The following NLRP1 variants were observed in gnomAD, a reference collection of about 807,000 sequenced individuals.
The protein encoded by NLRP1 is NACHT, LRR and PYD domains-containing protein 1.
Under a neutral mutation model 136.7 loss-of-function variants are expected in NLRP1, and 94 were observed. The observed-to-expected ratio is 0.69, with a 90% CI of 0.58 to 0.82. The LOEUF is 0.82. Ranked by LOEUF, NLRP1 falls within the 40% of genes least tolerant of loss-of-function variation. NLRP1 has a pLI of 0.00. For missense variants in NLRP1, 1,575 were observed against 1,802.7 expected, an observed-to-expected ratio of 0.87 and a Z score of 2.29; for synonymous variants, 690 against 725.1, an observed-to-expected ratio of 0.95 and a Z score of 0.78.
In NLRP1 at chr17:5,559,831, G is replaced by A; in HGVS notation, c.865C>T (p.Pro289Ser). ...TQLLLLQRPH[P>S]RSQDPLVKRS... ...TTGACCAGGGGATCTTGGCTTCTGG[G>A]GTGAGGTCTTTGTAGAAGTAGCAGC... Residue 289 changes from proline (P) to serine (S), a missense_variant, in exon 4 of 17, where the codon CCC becomes TCC. By Grantham distance (74) the Pro-to-Ser change is moderately conservative (BLOSUM62 -1). Transcript: ENST00000572272. 6.2e-7 allele frequency: 1 copy of A among 1,614,170 alleles called. No homozygotes were observed. The highest frequency in any genetic ancestry group is 2.2e-5 in the East Asian group (1 of 44,880).
intron 3 of NLRP1, among the ~76,000 whole-genome samples, chr17:5,571,817 C>G (rs1368614781): frequency 1.3e-5 from 2 of 152,118 alleles, no homozygotes; most frequent in Non-Finnish European, 2.9e-5. Context: ...AATAACAAAT[C>G]TGGAGGCATC....
At chr17:5,562,047 G>A (rs1452438381) in intron 3 of NLRP1, among the ~76,000 whole-genome samples, 8 of 152,098 alleles carry the variant, frequency 5.3e-5, no homozygotes, top group Non-Finnish European at 7.4e-5. Flanking sequence ...CCGGCTGAGG[G>A]GTGCAGCCTC....
At position 5,558,856 on chromosome 17, in the gene NLRP1, G is replaced by A; in HGVS notation, c.1840C>T (p.Pro614Ser). 6 of 1,614,162 alleles carry A rather than the reference G, an allele frequency of 3.7e-6. No individual in the cohort carries two copies. The highest frequency in any genetic ancestry group is 4.2e-6 in the Non-Finnish European group (5 of 1,180,026). The stretch of plus-strand genomic sequence containing the variant: ...ATGAAGCTGTAGCTCAGAGGGATGG[G>A]GTGCTCTTGAAGAATACCCATCTTC... The part of the protein sequence containing the change: ...FLKMGILQEH[P>S]IPLSYSFIHL... The change falls in exon 4 of 17, where the codon CCC (proline) becomes TCC (serine). Residue 614 changes from proline to serine, a missense_variant. Pro to Ser is a moderately conservative substitution (Grantham distance 74). Coordinates refer to ENST00000572272, the MANE Select transcript of NLRP1 (RefSeq NM_033004.4).
chr17:5,523,473 C>T (rs182763455), intron 12 of NLRP1, among the ~76,000 whole-genome samples: 3 of 152,182 alleles, frequency 2.0e-5, no homozygotes, highest in Admixed American at 6.5e-5. Context: ...TCTTCCCCCC[C>T]GCTTAGATTT....
chr17:5,518,526 G>C (rs1908435679), intron 14 of NLRP1: 2 of 151,448 alleles, frequency 1.3e-5, no homozygotes, highest in South Asian at 4.2e-4. Context: ...GTAGCTTGCA[G>C]TATTGCAACA....
intron 15 of NLRP1, among the ~76,000 whole-genome samples, chr17:5,508,284 C>T (rs57672697): frequency 0.28 from 42,574 of 151,948 alleles, 6,390 homozygotes; most frequent in African/African-American, 0.4. Context: ...GGTGACCGAA[C>T]GAGACTCTGT....
At chr17:5,557,427 G>C (rs535695776) in intron 4 of NLRP1, among the ~76,000 whole-genome samples, 1 of 151,888 alleles carries the variant, frequency 6.6e-6, no homozygotes, top group Non-Finnish European at 1.5e-5. Context: ...TTACCCACTC[G>C]TGTGATCACT....
At position 5,582,811 on chromosome 17, in the gene NLRP1, G is replaced by A. The variant is rs202194750; in HGVS notation, c.307C>T (p.Pro103Ser). ...SPSFPYSPSE[P>S]HLGSPSQPTS... ...GGTTGGCTGGGAGACCCCAGGTGGG[G>A]TTCACTTGGGCTGTAGGGGAATGAG... is the stretch of plus-strand genomic sequence containing the variant. The change falls in exon 2 of 17, where the codon CCC becomes TCC. Residue 103 changes from proline to serine, a missense_variant. By Grantham distance (74) the Pro-to-Ser change is moderately conservative (BLOSUM62 -1). Coordinates refer to ENST00000572272, the MANE Select transcript of NLRP1 (RefSeq NM_033004.4). 1 of 1,613,556 alleles carries A rather than the reference G, an allele frequency of 6.2e-7. No individual in the cohort carries two copies. The highest frequency in any genetic ancestry group is 8.5e-7 in the Non-Finnish European group (1 of 1,179,658).
chr17:5,560,053 G>T lies in NLRP1; in HGVS notation c.653-10C>A. 6.5e-7 allele frequency: 1 copy of T among 1,542,476 alleles called. No individual in the cohort carries two copies. On this transcript the variant is annotated splice_polypyrimidine_tract_variant and intron_variant, in intron 3 of 16. Transcript: ENST00000572272. The stretch of plus-strand genomic sequence containing the variant: ...TCTCTTTCTCTGATTTCTAAGTAAG[G>T]GAGGGAAAGAAGGAACATAAAGGTA...
At chr17:5,571,186 T>C (rs1324698523) in intron 3 of NLRP1, among the ~76,000 whole-genome samples, 2 of 152,166 alleles carry the variant, frequency 1.3e-5, no homozygotes, top group Non-Finnish European at 1.5e-5. Context: ...AGTATTCTCC[T>C]TGAGAACCAG....
intron 3 of NLRP1, among the ~76,000 whole-genome samples, chr17:5,572,127 A>G (rs1904430960): frequency 6.6e-6 from 1 of 152,186 alleles, no homozygotes; most frequent in Admixed American, 6.5e-5. Flanking sequence ...TAAACGTAAA[A>G]CCTAGAACTT....
intron 12 of NLRP1, among the ~76,000 whole-genome samples, chr17:5,529,478 C>T (rs893034750): frequency 2.0e-5 from 3 of 151,954 alleles, no homozygotes; most frequent in South Asian, 2.1e-4. Flanking sequence ...CGCCATTCTC[C>T]TGCCTCAGCC....
intron 3 of NLRP1, among the ~76,000 whole-genome samples, chr17:5,572,600 C>T (rs1249089904): frequency 6.6e-6 from 1 of 151,540 alleles, no homozygotes; most frequent in Non-Finnish European, 1.5e-5. Flanking sequence ...ATCCCAGCTA[C>T]TTGGGAGGGT....
At chr17:5,538,337 T>TCCACTCCAG (rs144469607) in intron 7 of NLRP1, among the ~76,000 whole-genome samples, 7,170 of 152,128 alleles carry the variant, frequency 0.047, 193 homozygotes, top group Middle Eastern at 0.088. Context: ...GGGGGCTCAC[T>TCCACTCCAG]CCACTCAGGG....
chr17:5,574,232 T>G (rs1169950740), intron 3 of NLRP1, among the ~76,000 whole-genome samples: 1 of 151,772 alleles, frequency 6.6e-6, no homozygotes, highest in African/African-American at 2.4e-5. Context: ...ATGAATGAAA[T>G]GAAGGAAGAA....
intron 15 of NLRP1, among the ~76,000 whole-genome samples, chr17:5,506,670 T>C (rs933467975): frequency 1.3e-5 from 2 of 150,728 alleles, no homozygotes; most frequent in African/African-American, 2.4e-5. Flanking sequence ...GGCGGGAGGA[T>C]CACCTGAGGT....
In NLRP1 at chr17:5,541,870, G is replaced by T. The variant is rs774057957; in HGVS notation, c.2686C>A (p.Leu896Ile). ...AAGAACAATTACTGCAGTCGCTGTA[G>T]CTTGCAGCTCGGCTGTCTCAGTCTC... is the stretch of plus-strand genomic sequence containing the variant. Reference protein sequence around the residue: ...CQRLRQPSCKLQRLQLVSCGL... With the variant: ...CQRLRQPSCKIQRLQLVSCGL... The change falls in exon 6 of 17, where the codon CTA becomes ATA. Residue 896 changes from leucine to isoleucine, a missense_variant. Leu to Ile is a conservative substitution (Grantham distance 5, BLOSUM62 2). Transcript: ENST00000572272. The surrounding 1 kb of genome is among the most constrained non-coding windows in gnomAD (Gnocchi z 4.2). 1 of 1,613,674 alleles carries T rather than the reference G, an allele frequency of 6.2e-7. No individual in the cohort carries two copies. Among genetic ancestry groups the T allele is most frequent in the South Asian group, 1.1e-5 (1 of 91,048 alleles).
At chr17:5,574,565 G>A (rs1402954818) in intron 3 of NLRP1, among the ~76,000 whole-genome samples, 3 of 152,022 alleles carry the variant, frequency 2.0e-5, no homozygotes, top group East Asian at 1.9e-4. Flanking sequence ...GAGAAAGGTC[G>A]GGTTACCCAC....
intron 14 of NLRP1, 39 bp from the exon 15 acceptor site, chr17:5,517,926 T>C (rs757672601): frequency 1.1e-5 from 17 of 1,610,210 alleles, no homozygotes; most frequent in Middle Eastern, 1.7e-4. Context: ...CCTGTTCATC[T>C]TGCATGGAAG....
Sources: allele counts gnomAD v4.1 joint callset (sites outside exome capture counted in the v4.1 genomes callset), GRCh38; gene constraint gnomAD v4.1.1; non-coding constraint Gnocchi (gnomAD v3.1); transcripts MANE v1.5; gene names NCBI Gene and HGNC (gene_info 2026-07-23, HGNC 2026-07-21).